CSMD2: variants seen among roughly 807,000 people sequenced by gnomAD.
CSMD2 encodes the protein CUB and Sushi multiple domains 2, also known as CUB and sushi domain-containing protein 2.
A neutral mutation model predicts 398.5 loss-of-function variants in CSMD2; 130 were observed. That is an observed-to-expected ratio of 0.33 (90% CI 0.28 to 0.38). The LOEUF is 0.38. CSMD2 is among the 10% of genes least tolerant of loss of function. The pLI, the probability that CSMD2 is intolerant of heterozygous loss-of-function variation, is 1.00. For missense variants in CSMD2, 3,829 were observed against 4,764.9 expected, an observed-to-expected ratio of 0.80 and a Z score of 5.78; for synonymous variants, 1,828 against 1,908.5, an observed-to-expected ratio of 0.96 and a Z score of 1.10.
At chr1:33,821,313 C>T (rs1282393393) in intron 7 of CSMD2, among the ~76,000 whole-genome samples, 5 of 152,168 alleles carry the variant, frequency 3.3e-5, no homozygotes, top group Admixed American at 6.5e-5. Context: ...CAGGGGGCAG[C>T]GGATACACAC....
chr1:33,684,886 C>G (rs1004885251), intron 25 of CSMD2, among the ~76,000 whole-genome samples: 1 of 152,236 alleles, frequency 6.6e-6, no homozygotes, highest in African/African-American at 2.4e-5. Context: ...GCATTCATCA[C>G]ATTATCTTAG....
chr1:33,713,981 A>T (rs1646075515), intron 21 of CSMD2, among the ~76,000 whole-genome samples: 1 of 152,174 alleles, frequency 6.6e-6, no homozygotes, highest in Admixed American at 6.5e-5. Context: ...ACGAGTGAAG[A>T]ATTTCTCTGT....
chr1:33,536,824 G>A (rs918500783), intron 62 of CSMD2, among the ~76,000 whole-genome samples, 198 bp downstream of exon 62: 1 of 152,234 alleles, frequency 6.6e-6, no homozygotes, highest in African/African-American at 2.4e-5. Flanking sequence ...TTTCTCTGAC[G>A]GATGTTAGGG....
Position 33,549,317 on chromosome 1 carries a change from C to T in CSMD2, c.8917+860G>A, listed in dbSNP as rs141844517. On this transcript the variant is annotated intron_variant, in intron 56 of 70. Coordinates refer to ENST00000373381, the MANE Select transcript of CSMD2 (RefSeq NM_001281956.2). ...AATTTCAATGCCAAGGTGGGCCCTC[C>T]GAGGAACATCAAGCTGCACAAGCAG... 4.0e-3 allele frequency among the ~76,000 whole-genome samples: 605 copies of T among 152,190 alleles called. 2 individuals carry two copies. The highest frequency in any genetic ancestry group is 0.013 in the African/African-American group (551 of 41,532).
intron 3 of CSMD2, among the ~76,000 whole-genome samples, chr1:34,004,810 C>G (rs1234190330): frequency 2.0e-5 from 3 of 150,168 alleles, no homozygotes; most frequent in Non-Finnish European, 4.4e-5. Context: ...TCCACCTAAT[C>G]TATTATTTCC....
intron 43 of CSMD2, 74 bp from the exon 44 acceptor site, chr1:33,601,084 G>A (rs888132594): frequency 8.2e-6 from 13 of 1,587,182 alleles, no homozygotes; most frequent in Non-Finnish European, 1.0e-5. Context: ...GCCATCAGTG[G>A]CCTTAAGACA....
chr1:34,125,536 T>C (rs6425877), intron 1 of CSMD2, among the ~76,000 whole-genome samples: 45,912 of 151,396 alleles, frequency 0.3, 8,184 homozygotes, highest in Non-Finnish European at 0.4. Context: ...TGTGTGTGTG[T>C]GTGTGTGTGT....
In CSMD2 at chr1:33,633,904, G is replaced by A. The variant is rs1423931930; in HGVS notation, c.5087-369C>T. On this transcript the variant is annotated intron_variant, in intron 31 of 70. Coordinates refer to ENST00000373381, the MANE Select transcript of CSMD2 (RefSeq NM_001281956.2). This position sits in a 1 kb window ranked among gnomAD's most constrained non-coding sequence, Gnocchi z 5.0. ...TTGGGTACCATCCCTCATTCTCCAT[G>A]CGATGTCAGGACCCCACATTCATGC... Among the ~76,000 whole-genome samples the A allele has an allele frequency of 1.3e-5, 2 of 152,160 alleles. No individual in the cohort carries two copies. Among genetic ancestry groups the A allele is most frequent in the African/African-American group, 4.8e-5 (2 of 41,428 alleles).
chr1:33,935,013 T>TAAAAAAAAAAAAAAAAAAAAAAAAAAAA (rs537683892), intron 4 of CSMD2, among the ~76,000 whole-genome samples: 1 of 42,320 alleles, frequency 2.4e-5, no homozygotes, highest in African/African-American at 6.4e-5. Flanking sequence ...CAAATAAAAT[T>TAAAAAAAAAAAAAAAAAAAAAAAAAAAA]AAAAAAAAAA....
chr1:33,712,026 A>C (rs1646008901), intron 21 of CSMD2, among the ~76,000 whole-genome samples: 1 of 152,208 alleles, frequency 6.6e-6, no homozygotes, highest in Non-Finnish European at 1.5e-5. Flanking sequence ...GCACAAATGG[A>C]AACAAATAAA....
At chr1:33,989,475 T>C (rs1013880245) in intron 3 of CSMD2, among the ~76,000 whole-genome samples, 13 of 152,154 alleles carry the variant, frequency 8.5e-5, no homozygotes, top group African/African-American at 3.1e-4. Flanking sequence ...TTCCTAAGAA[T>C]TTACCCAGAG....
At chr1:34,119,661 T>G (rs1269429158) in intron 1 of CSMD2, among the ~76,000 whole-genome samples, 4 of 152,170 alleles carry the variant, frequency 2.6e-5, no homozygotes, top group Non-Finnish European at 4.4e-5. Context: ...GACAAACATA[T>G]GAAATTATGT....
chr1:34,037,236 C>T (rs1651254775), intron 2 of CSMD2, among the ~76,000 whole-genome samples: 1 of 152,086 alleles, frequency 6.6e-6, no homozygotes, highest in Admixed American at 6.5e-5. Flanking sequence ...GGGCTTTGAG[C>T]TTTGTCTTTT....
chr1:34,019,521 T>A (rs772701228), intron 3 of CSMD2, among the ~76,000 whole-genome samples: 2 of 152,218 alleles, frequency 1.3e-5, no homozygotes, highest in Non-Finnish European at 2.9e-5. Context: ...AAAGGCAATG[T>A]AGGGAGTGAG....
At chr1:34,090,073 T>C (rs1658377132) in intron 1 of CSMD2, among the ~76,000 whole-genome samples, 1 of 152,158 alleles carries the variant, frequency 6.6e-6, no homozygotes, top group Admixed American at 6.5e-5. Flanking sequence ...ATTTTTCCGT[T>C]TTCTTGTTAA....
chr1:33,782,127 G>T (rs1652853029), intron 12 of CSMD2, among the ~76,000 whole-genome samples: 1 of 152,118 alleles, frequency 6.6e-6, no homozygotes, highest in Non-Finnish European at 1.5e-5. Flanking sequence ...GGATATGGGA[G>T]GTCTCTGCCC....
At chr1:33,865,866 A>T (rs545759561) in intron 5 of CSMD2, among the ~76,000 whole-genome samples, 1 of 152,208 alleles carries the variant, frequency 6.6e-6, no homozygotes. Flanking sequence ...TCTGTCTGGT[A>T]ACTAGATTTT....
rs147675412 is a variant in CSMD2, at chr1:33,538,154, A to G, written c.9632-545T>C. On this transcript the variant is annotated intron_variant, in intron 60 of 70. Coordinates refer to ENST00000373381, the MANE Select transcript of CSMD2 (RefSeq NM_001281956.2). ...GGCATTTTCTATTATACAGTTATAT[A>G]TAACTCTTCTTTCACCTGTTTTGTT... Among the ~76,000 whole-genome samples the G allele has an allele frequency of 2.6e-4, 40 of 152,346 alleles. No homozygotes were observed. In the East Asian group the frequency reaches 7.3e-3, roughly 28 times the overall value.
At chr1:33,864,551 G>T in intron 5 of CSMD2, 1 of 1,614,082 alleles carries the variant, frequency 6.2e-7, no homozygotes, top group Non-Finnish European at 8.5e-7. Flanking sequence ...ACTGGTCGGT[G>T]GTGCAGGTGG....
Sources: allele counts gnomAD v4.1 joint callset (sites outside exome capture counted in the v4.1 genomes callset), GRCh38; gene constraint gnomAD v4.1.1; non-coding constraint Gnocchi (gnomAD v3.1); transcripts MANE v1.5; gene names NCBI Gene and HGNC (gene_info 2026-07-23, HGNC 2026-07-21).